Variants in ADAMTS18 observed in about 807,000 individuals in gnomAD.
ADAMTS18 encodes the protein ADAM metallopeptidase with thrombospondin type 1 motif 18.
A neutral mutation model predicts 165.9 loss-of-function variants in ADAMTS18; 157 were observed. The observed-to-expected ratio is 0.95, with a 90% confidence interval of 0.83 to 1.08. ADAMTS18 has a LOEUF of 1.08. Among genes scored for constraint, ADAMTS18 ranks in the 50% least tolerant of loss-of-function variants. ADAMTS18 has a pLI of 0.00. For synonymous variants in ADAMTS18, 782 were observed against 578.2 expected, an observed-to-expected ratio of 1.35 and a Z score of -5.06; for missense variants, 2,040 against 1,534.0, an observed-to-expected ratio of 1.33 and a Z score of -5.51.
At chr16:77,328,049 TC>T (rs1284311013) in intron 12 of ADAMTS18, among the ~76,000 whole-genome samples, 1 of 152,190 alleles carries the variant, frequency 6.6e-6, no homozygotes, top group Non-Finnish European at 1.5e-5. Flanking sequence ...GGTGGCCTAC[TC>T]CTTTCCTGCC....
chr16:77,361,409 T>C (rs2056711296), intron 7 of ADAMTS18, among the ~76,000 whole-genome samples: 1 of 152,202 alleles, frequency 6.6e-6, no homozygotes, highest in Non-Finnish European at 1.5e-5. Context: ...AAATGAGTAC[T>C]TCAAAGTCAA....
chr16:77,378,353 A>AAAAAAAAAAAC (rs2056983313), intron 3 of ADAMTS18, among the ~76,000 whole-genome samples: 1 of 56,526 alleles, frequency 1.8e-5, no homozygotes, highest in African/African-American at 5.1e-5. Context: ...AAAAAAACAA[A>AAAAAAAAAAAC]AAAAAAAAAA....
At chr16:77,376,940 G>A (rs1000670021) in intron 3 of ADAMTS18, among the ~76,000 whole-genome samples, 1 of 150,274 alleles carries the variant, frequency 6.7e-6, no homozygotes, top group East Asian at 2.0e-4. Context: ...TCAGCCTCCT[G>A]AGTAGCTGGG....
At chr16:77,429,511 T>C (rs1010733781) in intron 3 of ADAMTS18, among the ~76,000 whole-genome samples, 4 of 152,096 alleles carry the variant, frequency 2.6e-5, no homozygotes, top group African/African-American at 9.7e-5. Flanking sequence ...GGTGATGAAA[T>C]AATCTGTACA....
At chr16:77,315,192 T>C (rs1256060366) in intron 16 of ADAMTS18, among the ~76,000 whole-genome samples, 1 of 152,156 alleles carries the variant, frequency 6.6e-6, no homozygotes, top group African/African-American at 2.4e-5. Context: ...TAATAGTCCT[T>C]TGACATTATG....
At chr16:77,391,274 GGGCAGA>G (rs1439969269) in intron 3 of ADAMTS18, among the ~76,000 whole-genome samples, 2 of 152,090 alleles carry the variant, frequency 1.3e-5, no homozygotes, top group Non-Finnish European at 2.9e-5. Context: ...AGGCCAAAGC[GGGCAGA>G]TCACCTGAGG....
At chr16:77,351,601 A>G (rs2056556901) in intron 10 of ADAMTS18, among the ~76,000 whole-genome samples, 1 of 152,266 alleles carries the variant, frequency 6.6e-6, no homozygotes, top group Admixed American at 6.5e-5. Context: ...ATTAATAAAT[A>G]ACATAATGAA....
At chr16:77,341,908 C>T (rs2056404496) in intron 10 of ADAMTS18, 109 bp from the exon 11 acceptor site, 5 of 888,774 alleles carry the variant, frequency 5.6e-6, no homozygotes, top group South Asian at 1.5e-5. Flanking sequence ...GAAATCAGAG[C>T]AATTATTCAG....
At chr16:77,292,663 T>C (rs558688686) in intron 20 of ADAMTS18, among the ~76,000 whole-genome samples, 52 of 152,308 alleles carry the variant, frequency 3.4e-4, no homozygotes, top group African/African-American at 1.2e-3. Flanking sequence ...TGCCCAGACA[T>C]AGGCTTGATC....
intron 7 of ADAMTS18, among the ~76,000 whole-genome samples, chr16:77,361,043 G>A (rs368201127): frequency 1.3e-5 from 2 of 152,106 alleles, no homozygotes; most frequent in Non-Finnish European, 2.9e-5. Context: ...CCGAAATCAC[G>A]CCACTGCACT....
intron 3 of ADAMTS18, among the ~76,000 whole-genome samples, chr16:77,372,788 G>C (rs887928973): frequency 6.6e-6 from 1 of 152,050 alleles, no homozygotes; most frequent in Non-Finnish European, 1.5e-5. Flanking sequence ...GTAGATGCTC[G>C]CGTCTCTTAT....
intron 19 of ADAMTS18, among the ~76,000 whole-genome samples, chr16:77,294,412 G>A (rs2055425932): frequency 6.6e-6 from 1 of 152,038 alleles, no homozygotes. Context: ...TGCTTTAGAG[G>A]GAATTCTGAG....
chr16:77,386,854 G>C (rs1192362683), intron 3 of ADAMTS18, among the ~76,000 whole-genome samples: 1 of 152,118 alleles, frequency 6.6e-6, no homozygotes, highest in African/African-American at 2.4e-5. Flanking sequence ...AGGAAAGTTG[G>C]AATAGAAGCA....
chr16:77,403,179 G>C (rs769192724), intron 3 of ADAMTS18, among the ~76,000 whole-genome samples: 1 of 152,102 alleles, frequency 6.6e-6, no homozygotes, highest in Non-Finnish European at 1.5e-5. Context: ...CTTACCCAGG[G>C]TCATATAGAT....
chr16:77,416,560 C>T (rs902781524), intron 3 of ADAMTS18, among the ~76,000 whole-genome samples: 6 of 152,156 alleles, frequency 3.9e-5, no homozygotes, highest in African/African-American at 1.4e-4. Flanking sequence ...TGCCTGCCAC[C>T]ATGTAAGATG....
chr16:77,350,897 C>G (rs764073596), intron 10 of ADAMTS18, among the ~76,000 whole-genome samples: 1 of 151,990 alleles, frequency 6.6e-6, no homozygotes, highest in African/African-American at 2.4e-5. Context: ...ACTATGCAAC[C>G]CTTTCACTAT....
chr16:77,294,629 T>C (rs1156541764), intron 19 of ADAMTS18, among the ~76,000 whole-genome samples: 1 of 152,216 alleles, frequency 6.6e-6, no homozygotes, highest in Non-Finnish European at 1.5e-5. Flanking sequence ...GAGAATTCAG[T>C]AGCCAGTCTT....
intron 13 of ADAMTS18, among the ~76,000 whole-genome samples, chr16:77,322,765 T>G (rs2056026609): frequency 6.6e-6 from 1 of 152,202 alleles, no homozygotes; most frequent in African/African-American, 2.4e-5. Context: ...TAGTAAACCT[T>G]TCAGGTTTCA....
intron 20 of ADAMTS18, 55 bp downstream of exon 20, chr16:77,293,019 CTG>C (rs2055394363): frequency 6.2e-7 from 1 of 1,607,874 alleles, no homozygotes; most frequent in Admixed American, 1.7e-5. Context: ...CAGGGTTTCA[CTG>C]TGTTAGCCAG....
Sources: allele counts gnomAD v4.1 joint callset (sites outside exome capture counted in the v4.1 genomes callset), GRCh38; gene constraint gnomAD v4.1.1; transcripts MANE v1.5; gene names NCBI Gene and HGNC (gene_info 2026-07-23, HGNC 2026-07-21).